SLC17A9: variants seen among roughly 807,000 people sequenced by gnomAD.
The protein encoded by SLC17A9 is voltage-gated purine nucleotide uniporter SLC17A9.
In SLC17A9, 49 loss-of-function variants were observed where a neutral mutation model predicts 55.0. The observed-to-expected ratio is 0.89, with a 90% CI of 0.71 to 1.13. The LOEUF is 1.13. SLC17A9 is among the 50% of genes most tolerant of loss of function. The probability of loss-of-function intolerance (pLI) is 0.00; values close to 1 mark genes in which losing one functional copy is unlikely to be tolerated. For missense variants in SLC17A9, 526 were observed against 569.3 expected (o/e 0.92, Z 0.77); for synonymous variants, 256 against 247.4 (o/e 1.03, Z -0.32).
chr20:62,954,209 C>T, intron 1 of SLC17A9, among the ~76,000 whole-genome samples: 1 of 152,220 alleles, frequency 6.6e-6, no homozygotes, highest in East Asian at 1.9e-4. Context: ...TTTGCAGGCC[C>T]TTATTGGGTA....
chr20:62,963,937 C>T (rs549083810), intron 7 of SLC17A9: 15 of 595,494 alleles, frequency 2.5e-5, no homozygotes, highest in African/African-American at 1.3e-4. Flanking sequence ...CAGCCCTCAT[C>T]GTGACCTGCT....
chr20:62,957,405 C>A (rs372949958), intron 2 of SLC17A9, 36 bp from the exon 3 acceptor site: 2 of 1,547,150 alleles, frequency 1.3e-6, no homozygotes, highest in Non-Finnish European at 8.7e-7. Flanking sequence ...TGGTCCTGCA[C>A]AGCCACATCC....
In SLC17A9 at chr20:62,956,779, C is replaced by T. The variant is rs1397666755; in HGVS notation, c.74C>T (p.Ala25Val). The T allele has an allele frequency of 1.9e-6, 3 of 1,612,056 alleles. No individual in the cohort carries two copies. Among genetic ancestry groups the T allele is most frequent in the Admixed American group, 3.3e-5 (2 of 59,980 alleles). ...CTGTCCCACAGGCCCGAGTGCCAGG[C>T]ATGGACGGGGACGCTGCTGCTGGGC... ...DTQWSRPECQ[A>V]WTGTLLLGTC... is the part of the protein sequence containing the mutation. The change falls in exon 2 of 13, where the codon GCA (alanine) becomes GTA (valine). Residue 25 changes from alanine to valine, a missense_variant. Transcript: ENST00000370351.
At chr20:62,954,252 A>G (rs1255952942) in intron 1 of SLC17A9, among the ~76,000 whole-genome samples, 2 of 152,224 alleles carry the variant, frequency 1.3e-5, no homozygotes, top group South Asian at 4.1e-4. Flanking sequence ...CTGTGGGTCA[A>G]GGCTGCCACA....
chr20:62,966,593 C>A lies in SLC17A9; in HGVS notation c.1117+13C>A. 6.6e-7 allele frequency: 1 copy of A among 1,510,644 alleles called. No individual in the cohort carries two copies. The allele number at this position is 1,510,644 out of a possible 1,614,324, so 93.6% of individuals were successfully genotyped here. ...GGCTTTCTGTTTGGTGAGGACCTTGCCTTACCCCAGCTTTGCCCCTCCCTG... is the reference window on the plus strand; with the variant it reads ...GGCTTTCTGTTTGGTGAGGACCTTGACTTACCCCAGCTTTGCCCCTCCCTG... On this transcript the variant is annotated intron_variant, in intron 11 of 12. Coordinates refer to ENST00000370351, the MANE Select transcript of SLC17A9 (RefSeq NM_022082.4).
intron 3 of SLC17A9, among the ~76,000 whole-genome samples, chr20:62,959,677 G>A (rs1242271143): frequency 6.6e-6 from 1 of 152,280 alleles, no homozygotes; most frequent in African/African-American, 2.4e-5. Flanking sequence ...TGAGCCGTGA[G>A]CCTATGAGTG....
chr20:62,965,250 T>G, intron 9 of SLC17A9, 84 bp downstream of exon 9: 1 of 1,562,304 alleles, frequency 6.4e-7, no homozygotes, highest in Non-Finnish European at 8.8e-7. Flanking sequence ...TGTCCCCAAG[T>G]CACCTGATAT....
rs60920353 is a variant in SLC17A9, at chr20:62,968,778, C to T, written c.*1278C>T. Reference sequence around the variant, plus strand: ...ATGCCAGCAGAGCCAGGCTGGGTTTCGGGGTTCCTTTGCCGCCAGGGGTCC... The same window carrying T: ...ATGCCAGCAGAGCCAGGCTGGGTTTTGGGGTTCCTTTGCCGCCAGGGGTCC... On this transcript the variant is annotated 3_prime_UTR_variant, in exon 13 of 13. Transcript: ENST00000370351. The T allele has an allele frequency of 0.1, 15,807 of 152,172 alleles. 968 individuals are homozygous for T. The highest frequency in any genetic ancestry group is 0.16 in the African/African-American group (6,572 of 41,486). 9.4% of individuals were successfully genotyped at this position (152,172 alleles called of 1,614,324 possible). A position where few individuals can be genotyped will look rare whatever the true frequency, so the allele number is the denominator to read the frequency against.
intron 4 of SLC17A9, among the ~76,000 whole-genome samples, chr20:62,961,636 G>A (rs77441150): frequency 0.049 from 7,399 of 152,286 alleles, 263 homozygotes; most frequent in Non-Finnish European, 0.068. Flanking sequence ...TGTAGGTGGG[G>A]CCGGGAGCAG....
chr20:62,961,624 C>T (rs2065589840), intron 4 of SLC17A9, among the ~76,000 whole-genome samples: 1 of 152,188 alleles, frequency 6.6e-6, no homozygotes, highest in Admixed American at 6.5e-5. Context: ...GGAGGCGGCC[C>T]CTGTAGGTGG....
intron 1 of SLC17A9, among the ~76,000 whole-genome samples, chr20:62,955,130 T>G (rs2065525308): frequency 1.3e-5 from 2 of 150,276 alleles, no homozygotes; most frequent in South Asian, 2.1e-4. Context: ...CTAATTGTTG[T>G]TTTTTTTTCT....
chr20:62,964,954 C>T (rs1470423390), intron 8 of SLC17A9, 178 bp from the exon 9 acceptor site: 23 of 656,538 alleles, frequency 3.5e-5, no homozygotes, highest in Non-Finnish European at 5.2e-5. Flanking sequence ...TGCGGCCTCG[C>T]GGCTGCACCC....
At chr20:62,964,051 C>A in intron 7 of SLC17A9, 177 bp from the exon 8 acceptor site, 1 of 690,384 alleles carries the variant, frequency 1.4e-6, no homozygotes, top group Non-Finnish European at 2.5e-6. Flanking sequence ...CTGAGGCTGT[C>A]TTGCTGCCCT....
At chr20:62,960,677 G>A in intron 4 of SLC17A9, 74 bp downstream of exon 4, 3 of 1,421,034 alleles carry the variant, frequency 2.1e-6, no homozygotes, top group Non-Finnish European at 2.9e-6. Context: ...CCTGGTCTGC[G>A]TGGGGGATGG....
Position 62,962,641 on chromosome 20 carries a change from CGGT to C in SLC17A9, c.518_520del (p.Val173del). ...CTTTGCAGGACGCTGCTGACCGGGG[CGGT>C]GGGCTCCCTGCTCCTGGAATGGTAC... On this transcript the variant is annotated inframe_deletion, in exon 5 of 13. Coordinates refer to ENST00000370351, the MANE Select transcript of SLC17A9 (RefSeq NM_022082.4). This position sits in a 1 kb window ranked among gnomAD's most constrained non-coding sequence, Gnocchi z 5.5. The C allele has an allele frequency of 3.1e-6, 5 of 1,613,942 alleles. No individual in the cohort carries two copies. The highest frequency in any genetic ancestry group is 4.2e-6 in the Non-Finnish European group (5 of 1,179,874).
intron 12 of SLC17A9, 150 bp downstream of exon 12, chr20:62,966,882 AT>A: frequency 1.0e-6 from 1 of 981,636 alleles, no homozygotes; most frequent in Non-Finnish European, 1.5e-6. Flanking sequence ...GGAGAGGAGG[AT>A]GGGGCTGCCT....
intron 2 of SLC17A9, chr20:62,957,237 A>C: frequency 1.0e-6 from 1 of 985,382 alleles, no homozygotes; most frequent in Non-Finnish European, 1.2e-6. Flanking sequence ...GCAAGGCCCC[A>C]GGGCCCTGCA....
intron 9 of SLC17A9, among the ~76,000 whole-genome samples, 173 bp from the exon 10 acceptor site, chr20:62,965,437 G>A (rs1262013657): frequency 6.6e-6 from 1 of 152,256 alleles, no homozygotes; most frequent in East Asian, 1.9e-4. Flanking sequence ...TGATTCTTGC[G>A]GAGACTCCTC....
chr20:62,967,723 C>A lies in SLC17A9; in HGVS notation c.*223C>A. The A allele has an allele frequency of 5.8e-6, 3 of 517,068 alleles. No homozygotes were observed. The highest frequency in any genetic ancestry group is 5.7e-5 in the South Asian group (2 of 35,370). 32.0% of individuals were successfully genotyped at this position (517,068 alleles called of 1,614,324 possible). A position where few individuals can be genotyped will look rare whatever the true frequency, so the allele number is the denominator to read the frequency against. ...CTCGCTGCTCTCTGGGCCTCAGTTT[C>A]CCCACCTGCCAGCGGGCTCGGCCCT... On this transcript the variant is annotated 3_prime_UTR_variant, in exon 13 of 13. Transcript: ENST00000370351.
Sources: allele counts gnomAD v4.1 joint callset (sites outside exome capture counted in the v4.1 genomes callset), GRCh38; gene constraint gnomAD v4.1.1; non-coding constraint Gnocchi (gnomAD v3.1); transcripts MANE v1.5; gene names NCBI Gene and HGNC (gene_info 2026-07-23, HGNC 2026-07-21).